Variants in AGO3 observed in about 807,000 individuals in gnomAD.
AGO3 encodes the protein argonaute RISC catalytic component 3.
AGO3 carries 16 observed loss-of-function variants against 105.5 expected under a neutral mutation model. The ratio of observed to expected loss-of-function variants is 0.15; its 90% CI spans 0.10 to 0.23. AGO3 has a LOEUF of 0.23. Ranked by LOEUF, AGO3 falls within the 10% of genes least tolerant of loss-of-function variation. AGO3 has a pLI of 1.00. For synonymous variants in AGO3, 340 were observed against 367.3 expected (o/e 0.93, Z 0.85); for missense variants, 534 against 1,088.0 (o/e 0.49, Z 7.16).
rs999101905 is a variant in AGO3, at chr1:36,072,426, T to C, written c.*16681T>C. 2.0e-5 allele frequency: 3 copies of C among 152,230 alleles called. No individual in the cohort carries two copies. Among genetic ancestry groups the C allele is most frequent in the Non-Finnish European group, 1.5e-5 (1 of 68,040 alleles). The allele number at this position is 152,230 out of a possible 1,614,324, so 9.4% of individuals were successfully genotyped here. ...TTGATTTTAAAAATATTAATGGTTT[T>C]AGTGTTGCTTAGCTTCAGTTTGAAG... On this transcript the variant is annotated 3_prime_UTR_variant, in exon 19 of 19. Transcript: ENST00000373191.
intron 5 of AGO3, among the ~76,000 whole-genome samples, chr1:36,003,709 A>AAAAAAAATATATATATAT (rs1295618675): frequency 9.0e-4 from 89 of 99,374 alleles, no homozygotes; most frequent in Non-Finnish European, 1.2e-3. Flanking sequence ...AAAAAAAAAA[A>AAAAAAAATATATATATAT]ATATATATAT....
intron 11 of AGO3, among the ~76,000 whole-genome samples, chr1:36,020,078 T>A (rs1056508136): frequency 9.9e-5 from 15 of 152,258 alleles, no homozygotes; most frequent in African/African-American, 3.1e-4. Flanking sequence ...GGCCAGTATA[T>A]ACATTTTATC....
intron 2 of AGO3, among the ~76,000 whole-genome samples, chr1:35,948,563 C>G (rs1008121294): frequency 3.5e-5 from 5 of 142,928 alleles, no homozygotes; most frequent in Non-Finnish European, 4.5e-5. Context: ...TTTATTCTTT[C>G]TCCTGCCTAA....
chr1:35,977,505 A>G (rs1646975555), intron 5 of AGO3, among the ~76,000 whole-genome samples: 1 of 147,682 alleles, frequency 6.8e-6, no homozygotes, highest in African/African-American at 2.5e-5. Context: ...CGATCTTCCC[A>G]CTACAGCCTC....
rs533974081 is a variant in AGO3, at chr1:36,023,888, T to C, written c.1407-3226T>C. 2.6e-5 allele frequency among the ~76,000 whole-genome samples: 4 copies of C among 152,326 alleles called. No homozygotes were observed. In the South Asian group the frequency reaches 8.3e-4, roughly 32 times the overall value. On this transcript the variant is annotated intron_variant, in intron 11 of 18. Transcript: ENST00000373191. Reference sequence around the variant, plus strand: ...ATTTGCCTTTCATCTCCACCACTTTTTCTCTCTTCTTCAGATTCTGTCCTT... The same window carrying C: ...ATTTGCCTTTCATCTCCACCACTTTCTCTCTCTTCTTCAGATTCTGTCCTT...
At chr1:36,017,626 C>T (rs573331067) in intron 11 of AGO3, among the ~76,000 whole-genome samples, 2 of 152,218 alleles carry the variant, frequency 1.3e-5, no homozygotes, top group Admixed American at 6.5e-5. Flanking sequence ...ATAGGCCAGG[C>T]GCAGTGGCTC....
chr1:35,995,209 A>AAAAAAAATATATAT (rs1237315557), intron 5 of AGO3, among the ~76,000 whole-genome samples: 19 of 114,734 alleles, frequency 1.7e-4, no homozygotes, highest in African/African-American at 7.1e-4. Context: ...TAAAAAAAAA[A>AAAAAAAATATATAT]ATATATATAT....
intron 1 of AGO3, among the ~76,000 whole-genome samples, chr1:35,944,340 G>A (rs1646317912): frequency 6.6e-6 from 1 of 151,818 alleles, no homozygotes; most frequent in South Asian, 2.1e-4. Flanking sequence ...ACAAGATGCT[G>A]TGCCTGGCTA....
rs1490055739 is a variant in AGO3, at chr1:36,067,150, CA to C, written c.*11406del. ...TAGAAAACACCAAGCAGGGCCTTTC[CA>C]GACAATGTAGTCTTTCCTGTAAAGA... On this transcript the variant is annotated 3_prime_UTR_variant, in exon 19 of 19. Transcript: ENST00000373191. 1.3e-5 allele frequency: 2 copies of C among 152,196 alleles called. No individual in the cohort carries two copies. The highest frequency in any genetic ancestry group is 3.9e-4 in the East Asian group (2 of 5,168). The allele number at this position is 152,196 out of a possible 1,614,324, so 9.4% of individuals were successfully genotyped here.
intron 1 of AGO3, among the ~76,000 whole-genome samples, chr1:35,932,349 C>A (rs1010588674): frequency 1.3e-5 from 2 of 152,114 alleles, no homozygotes; most frequent in Admixed American, 6.5e-5. Flanking sequence ...AATTAATTTT[C>A]AAAATATTTG....
intron 17 of AGO3, among the ~76,000 whole-genome samples, chr1:36,047,904 A>G (rs1642542735): frequency 6.6e-6 from 1 of 152,020 alleles, no homozygotes; most frequent in Admixed American, 6.6e-5. Flanking sequence ...TAATAGCTGA[A>G]AACTTCCCAA....
At chr1:35,942,794 G>A (rs570963229) in intron 1 of AGO3, among the ~76,000 whole-genome samples, 3 of 151,962 alleles carry the variant, frequency 2.0e-5, no homozygotes, top group Admixed American at 6.5e-5. Context: ...AGTAGTGTTC[G>A]GTACATTCAC....
intron 5 of AGO3, among the ~76,000 whole-genome samples, chr1:36,001,838 G>T (rs1640099235): frequency 6.6e-6 from 1 of 152,070 alleles, no homozygotes; most frequent in Admixed American, 6.5e-5. Flanking sequence ...GCTATTTGGA[G>T]CGAGGAGGTT....
At chr1:35,991,660 GCAT>G (rs1241505803) in intron 5 of AGO3, among the ~76,000 whole-genome samples, 1 of 151,484 alleles carries the variant, frequency 6.6e-6, no homozygotes, top group African/African-American at 2.4e-5. Flanking sequence ...AAATTCGAAA[GCAT>G]CACTCCATTT....
chr1:35,995,209 A>AAAAATATATAT (rs1237315557), intron 5 of AGO3, among the ~76,000 whole-genome samples: 5 of 114,740 alleles, frequency 4.4e-5, no homozygotes, highest in African/African-American at 1.1e-4. Flanking sequence ...TAAAAAAAAA[A>AAAAATATATAT]ATATATATAT....
At chr1:36,003,709 AATATATATAT>A (rs1235994406) in intron 5 of AGO3, among the ~76,000 whole-genome samples, 73 of 99,434 alleles carry the variant, frequency 7.3e-4, no homozygotes, top group Middle Eastern at 0.011. Context: ...AAAAAAAAAA[AATATATATAT>A]ATATATATAT....
intron 1 of AGO3, among the ~76,000 whole-genome samples, chr1:35,934,177 A>G (rs991051262): frequency 6.6e-6 from 1 of 152,202 alleles, no homozygotes; most frequent in Non-Finnish European, 1.5e-5. Context: ...AGCTGCAGAA[A>G]TGCTTGATGA....
At chr1:35,958,916 A>G (rs716925) in intron 2 of AGO3, among the ~76,000 whole-genome samples, 36,292 of 152,128 alleles carry the variant, frequency 0.24, 7,153 homozygotes, top group East Asian at 0.71. Context: ...TGACACATTC[A>G]TTTATTGTAG....
At chr1:36,037,020 CTCCTGTTTT>C (rs1416556896) in intron 14 of AGO3, among the ~76,000 whole-genome samples, 18 of 151,892 alleles carry the variant, frequency 1.2e-4, no homozygotes, top group African/African-American at 4.1e-4. Flanking sequence ...ACTACTGCCA[CTCCTGTTTT>C]TAACATCTGC....
Sources: allele counts gnomAD v4.1 joint callset (sites outside exome capture counted in the v4.1 genomes callset), GRCh38; gene constraint gnomAD v4.1.1; transcripts MANE v1.5; gene names NCBI Gene and HGNC (gene_info 2026-07-23, HGNC 2026-07-21).